GATAD2B: variants seen among roughly 807,000 people sequenced by gnomAD.
GATAD2B encodes GATA zinc finger domain containing 2B, also known as transcriptional repressor p66-beta.
Under a neutral mutation model 64.3 loss-of-function variants are expected in GATAD2B, and 8 were observed. The observed-to-expected ratio is 0.12, with a 90% confidence interval of 0.07 to 0.22. The LOEUF is 0.22. Ranked by LOEUF, GATAD2B falls within the 10% of genes least tolerant of loss-of-function variation. GATAD2B has a pLI of 1.00. For missense variants in GATAD2B, 453 were observed against 752.0 expected (o/e 0.60, Z 4.65); for synonymous variants, 281 against 271.3 (o/e 1.04, Z -0.35).
intron 1 of GATAD2B, among the ~76,000 whole-genome samples, chr1:153,840,179 C>G (rs945813913): frequency 2.3e-5 from 3 of 132,908 alleles, no homozygotes; most frequent in Non-Finnish European, 4.8e-5. Context: ...ATTACAGGCA[C>G]CTGCCATCAC....
intron 1 of GATAD2B, among the ~76,000 whole-genome samples, chr1:153,919,166 T>C (rs1040659989): frequency 1.3e-5 from 2 of 152,226 alleles, no homozygotes; most frequent in African/African-American, 4.8e-5. Flanking sequence ...ATCTCAAAAG[T>C]AACGAATGAT....
chr1:153,822,243 A>C (rs952219842), intron 2 of GATAD2B, among the ~76,000 whole-genome samples: 2 of 152,148 alleles, frequency 1.3e-5, no homozygotes, highest in African/African-American at 2.4e-5. Context: ...AAGATTTTTC[A>C]TTTAGAAGCT....
chr1:153,824,772 G>C (rs1184303764), intron 2 of GATAD2B, among the ~76,000 whole-genome samples: 4 of 149,032 alleles, frequency 2.7e-5, no homozygotes, highest in Non-Finnish European at 5.9e-5. Context: ...AAAAAAAAGA[G>C]TGTTAACAAA....
At position 153,813,343 on chromosome 1, in the gene GATAD2B, C is replaced by T; in HGVS notation, c.1326G>A (p.Glu442=). ...KQEKNGKILC[E]QCMTSNQKKA... is the part of the protein sequence containing the mutation. ...TTTTCTGGTTGGAGGTCATACACTG[C>T]TCACATAGAATCTTACCATTCTTTT... Residue 442 remains glutamate, a synonymous_variant, in exon 8 of 11, where the codon GAG becomes GAA. Coordinates refer to ENST00000368655, the MANE Select transcript of GATAD2B (RefSeq NM_020699.4). 4 of 1,614,034 alleles carry T rather than the reference C, an allele frequency of 2.5e-6. No homozygotes were observed. The highest frequency in any genetic ancestry group is 1.1e-5 in the South Asian group (1 of 91,084).
At chr1:153,838,132 G>A (rs1391994438) in intron 1 of GATAD2B, among the ~76,000 whole-genome samples, 1 of 152,126 alleles carries the variant, frequency 6.6e-6, no homozygotes, top group East Asian at 1.9e-4. Context: ...TTACAACACA[G>A]GTCTAGCTCA....
intron 1 of GATAD2B, 114 bp from the exon 2 acceptor site, chr1:153,828,462 ACACACAC>A: frequency 4.7e-6 from 1 of 213,230 alleles, no homozygotes; most frequent in South Asian, 4.8e-5. Flanking sequence ...ACATACACAC[ACACACAC>A]ACACACACAC....
chr1:153,846,997 C>T (rs1210835613), intron 1 of GATAD2B, among the ~76,000 whole-genome samples: 1 of 152,116 alleles, frequency 6.6e-6, no homozygotes, highest in Non-Finnish European at 1.5e-5. Flanking sequence ...CGGAGTATTG[C>T]TCTGTCACCC....
intron 1 of GATAD2B, among the ~76,000 whole-genome samples, chr1:153,892,805 C>T (rs1677459571): frequency 6.7e-6 from 1 of 150,100 alleles, no homozygotes; most frequent in Non-Finnish European, 1.5e-5. Context: ...GGCAATTATC[C>T]TACCTCCGCC....
chr1:153,864,200 G>A (rs1197146650), intron 1 of GATAD2B, among the ~76,000 whole-genome samples: 1 of 152,184 alleles, frequency 6.6e-6, no homozygotes, highest in African/African-American at 2.4e-5. Context: ...TCTGAGGACA[G>A]TTGGGAGAAA....
rs1039681934 is a variant in GATAD2B at position 153,863,038 on chromosome 1, G to GA, written c.-1-34691dup. On this transcript the variant is annotated intron_variant, in intron 1 of 10. Coordinates refer to ENST00000368655, the MANE Select transcript of GATAD2B (RefSeq NM_020699.4). ...TGCGCCTGGCATACTTTTTTTAAGAGAAAAAAATAAATTAAAATGCAGCTT... is the reference window on the plus strand; with the variant it reads ...TGCGCCTGGCATACTTTTTTTAAGAGAAAAAAAATAAATTAAAATGCAGCTT... 3.9e-5 allele frequency among the ~76,000 whole-genome samples: 6 copies of GA among 152,070 alleles called. No homozygotes were observed. In the East Asian group the frequency reaches 9.7e-4, roughly 24 times the overall value.
chr1:153,883,147 CAG>C (rs1451255439), intron 1 of GATAD2B, among the ~76,000 whole-genome samples: 1 of 152,180 alleles, frequency 6.6e-6, no homozygotes, highest in East Asian at 1.9e-4. Context: ...CTGCCTCCAT[CAG>C]AGTCTCTCAC....
chr1:153,875,683 G>GAAA (rs11340415), intron 1 of GATAD2B, among the ~76,000 whole-genome samples: 7 of 78,394 alleles, frequency 8.9e-5, no homozygotes, highest in East Asian at 4.4e-4. Flanking sequence ...AGTTTGGAGG[G>GAAA]AAAAAAAAAA....
intron 1 of GATAD2B, among the ~76,000 whole-genome samples, chr1:153,869,959 C>A (rs1258503766): frequency 7.3e-6 from 1 of 137,204 alleles, no homozygotes; most frequent in Admixed American, 8.0e-5. Flanking sequence ...AACCCTGTCT[C>A]TACATTTTCC....
At chr1:153,915,708 G>A (rs1437602721) in intron 1 of GATAD2B, among the ~76,000 whole-genome samples, 1 of 147,332 alleles carries the variant, frequency 6.8e-6, no homozygotes, top group Non-Finnish European at 1.5e-5. Flanking sequence ...GTGCTCCATG[G>A]AGCCTGGGCA....
chr1:153,815,890 T>C (rs1239715696), intron 7 of GATAD2B, among the ~76,000 whole-genome samples: 1 of 152,000 alleles, frequency 6.6e-6, no homozygotes, highest in African/African-American at 2.4e-5. Flanking sequence ...CCGTCTCTAC[T>C]AAAAATACAA....
intron 1 of GATAD2B, among the ~76,000 whole-genome samples, chr1:153,905,975 G>A (rs1677914512): frequency 6.6e-6 from 1 of 150,868 alleles, no homozygotes; most frequent in Non-Finnish European, 1.5e-5. Flanking sequence ...GCTGAGACAG[G>A]AGAATCGCTT....
At chr1:153,831,712 T>C (rs971967440) in intron 1 of GATAD2B, among the ~76,000 whole-genome samples, 10 of 152,160 alleles carry the variant, frequency 6.6e-5, no homozygotes, top group Non-Finnish European at 1.0e-4. Flanking sequence ...TGGAGTGCTA[T>C]AGACCACTAC....
chr1:153,821,854 C>T (rs1348360972), intron 2 of GATAD2B, among the ~76,000 whole-genome samples: 2 of 151,578 alleles, frequency 1.3e-5, no homozygotes, highest in East Asian at 3.9e-4. Context: ...GCATGAGCGA[C>T]TGTGCCCGGC....
chr1:153,902,329 G>A (rs1677804973), intron 1 of GATAD2B, among the ~76,000 whole-genome samples: 1 of 152,216 alleles, frequency 6.6e-6, no homozygotes, highest in South Asian at 2.1e-4. Context: ...GATTTGGTAA[G>A]CCTATCATAC....
Sources: allele counts gnomAD v4.1 joint callset (sites outside exome capture counted in the v4.1 genomes callset), GRCh38; gene constraint gnomAD v4.1.1; transcripts MANE v1.5; gene names NCBI Gene and HGNC (gene_info 2026-07-23, HGNC 2026-07-21).